Variants in SPA17 observed in about 807,000 individuals in gnomAD.
SPA17 encodes sperm autoantigenic protein 17.
In SPA17, 7 loss-of-function variants were observed where a neutral mutation model predicts 13.8. That is an observed-to-expected ratio of 0.51 (90% CI 0.29 to 0.95). The LOEUF (loss-of-function observed/expected upper bound fraction) is 0.95, where lower values mean the gene tolerates loss of function less well. Ranked by LOEUF, SPA17 falls within the 40% of genes least tolerant of loss-of-function variation. The pLI, the probability that SPA17 is intolerant of heterozygous loss-of-function variation, is 0.08. For synonymous variants in SPA17, 61 were observed against 59.0 expected, an observed-to-expected ratio of 1.03 and a Z score of -0.16; for missense variants, 170 against 179.3, an observed-to-expected ratio of 0.95 and a Z score of 0.30.
intron 4 of SPA17, 117 bp from the exon 5 acceptor site, chr11:124,694,186 G>A: frequency 7.6e-7 from 1 of 1,310,778 alleles, no homozygotes; most frequent in Non-Finnish European, 1.1e-6. Flanking sequence ...CCCTCAGGAA[G>A]CAACAGCTCT....
At position 124,697,288 on chromosome 11, in the gene SPA17, A is replaced by G. The variant is rs1032757260; in HGVS notation, c.*2842A>G. 1.3e-5 allele frequency: 2 copies of G among 152,278 alleles called. No homozygotes were observed. The highest frequency in any genetic ancestry group is 4.8e-5 in the African/African-American group (2 of 41,458). The allele number at this position is 152,278 out of a possible 1,614,324, so 9.4% of individuals were successfully genotyped here. On this transcript the variant is annotated 3_prime_UTR_variant, in exon 5 of 5. Coordinates refer to ENST00000227135, the MANE Select transcript of SPA17 (RefSeq NM_017425.4). ...TAATGTAGCTAAGCTAGGCTGGACT[A>G]CAATCTCAAGGTTAGGTTCAGGTCA...
chr11:124,694,266 T>G (rs765000309), intron 4 of SPA17, 37 bp from the exon 5 acceptor site: 1 of 1,594,568 alleles, frequency 6.3e-7, no homozygotes, highest in Non-Finnish European at 8.5e-7. Flanking sequence ...CTACGCCATA[T>G]TTAAAGAGTC....
intron 2 of SPA17, among the ~76,000 whole-genome samples, chr11:124,679,067 GC>G (rs906214853): frequency 6.6e-6 from 1 of 151,630 alleles, no homozygotes; most frequent in African/African-American, 2.4e-5. Flanking sequence ...AACCCAGGAG[GC>G]GGAAGTTGCA....
chr11:124,673,949 G>C lies in SPA17; in HGVS notation c.-31G>C. The C allele has an allele frequency of 1.7e-6, 1 of 574,636 alleles. No homozygotes were observed. The highest frequency in any genetic ancestry group is 3.1e-6 in the Non-Finnish European group (1 of 323,024). 35.6% of individuals were successfully genotyped at this position (574,636 alleles called of 1,614,324 possible). A position where few individuals can be genotyped will look rare whatever the true frequency, so the allele number is the denominator to read the frequency against. On this transcript the variant is annotated 5_prime_UTR_variant, in exon 1 of 5. Coordinates refer to ENST00000227135, the MANE Select transcript of SPA17 (RefSeq NM_017425.4). ...CCGGCGGCACCAGCTCGGAGAGAAAGGAGGTGAGGCCGCTTCCCCACTTCC... is the reference window on the plus strand; with the variant it reads ...CCGGCGGCACCAGCTCGGAGAGAAACGAGGTGAGGCCGCTTCCCCACTTCC...
At chr11:124,675,571 C>CCTG in intron 2 of SPA17, 153 bp downstream of exon 2, 3 of 708,290 alleles carry the variant, frequency 4.2e-6, no homozygotes, top group Non-Finnish European at 6.8e-6. Flanking sequence ...CAGTATGTAC[C>CCTG]TCTTTGATAT....
chr11:124,681,505 T>C, intron 3 of SPA17, 46 bp downstream of exon 3: 2 of 1,427,018 alleles, frequency 1.4e-6, no homozygotes, highest in South Asian at 3.3e-5. Flanking sequence ...CTTCTCTCTG[T>C]CTACAGCTAG....
rs889841955 is a variant in SPA17 at position 124,678,337 on chromosome 11, AT to A, written c.154+2929del. On this transcript the variant is annotated intron_variant, in intron 2 of 4. Transcript: ENST00000227135. ...GGAAAAGTGTGCTTAGTGTGCTACCATTTTTTTTTTAAACACAGACGGGGGT... is the reference window on the plus strand; with the variant it reads ...GGAAAAGTGTGCTTAGTGTGCTACCATTTTTTTTTAAACACAGACGGGGGT... 6.0e-5 allele frequency among the ~76,000 whole-genome samples: 9 copies of A among 149,622 alleles called. No homozygotes were observed. In the South Asian group the frequency reaches 6.4e-4, roughly 11 times the overall value.
rs890650623 is a variant in SPA17, at chr11:124,685,196, C to T, written c.225+3737C>T. Among the ~76,000 whole-genome samples, 7 of 152,248 alleles carry T rather than the reference C, an allele frequency of 4.6e-5. No individual in the cohort carries two copies. In the South Asian group the frequency reaches 6.2e-4, roughly 14 times the overall value. On this transcript the variant is annotated intron_variant, in intron 3 of 4. Transcript: ENST00000227135. ...TTTCCTCAGCTAGACCCAGGGCTCC[C>T]CTGCTGTATGCAGCCTCGGGACATG...
intron 2 of SPA17, among the ~76,000 whole-genome samples, chr11:124,677,025 T>C (rs1202174547): frequency 6.6e-6 from 1 of 152,240 alleles, no homozygotes; most frequent in African/African-American, 2.4e-5. Context: ...ATTTTAGAAC[T>C]CAGAAATATT....
At chr11:124,684,345 C>G (rs1469780931) in intron 3 of SPA17, among the ~76,000 whole-genome samples, 1 of 151,996 alleles carries the variant, frequency 6.6e-6, no homozygotes, top group East Asian at 1.9e-4. Context: ...CACTGCAACC[C>G]CTGCCTCCTG....
intron 3 of SPA17, 118 bp downstream of exon 3, chr11:124,681,577 T>A (rs930548076): frequency 1.9e-5 from 7 of 373,212 alleles, no homozygotes; most frequent in Non-Finnish European, 3.2e-5. Context: ...AAATAACTTA[T>A]TAAATCTTAT....
At chr11:124,692,829 T>G (rs1270804342) in intron 4 of SPA17, among the ~76,000 whole-genome samples, 1 of 152,186 alleles carries the variant, frequency 6.6e-6, no homozygotes, top group Admixed American at 6.5e-5. Context: ...CTCTCTAAAA[T>G]GTCGAAGTTC....
chr11:124,678,532 G>T (rs973746759), intron 2 of SPA17, among the ~76,000 whole-genome samples: 3 of 151,812 alleles, frequency 2.0e-5, no homozygotes, highest in Non-Finnish European at 4.4e-5. Context: ...GTGTGTGTGT[G>T]TGTGTGTGTG....
At chr11:124,679,540 T>C (rs1943505748) in intron 2 of SPA17, among the ~76,000 whole-genome samples, 1 of 152,206 alleles carries the variant, frequency 6.6e-6, no homozygotes, top group Non-Finnish European at 1.5e-5. Context: ...AAAATATCAG[T>C]GTGACCTCAT....
At chr11:124,691,951 A>AT (rs1370209597) in intron 4 of SPA17, among the ~76,000 whole-genome samples, 169 bp downstream of exon 4, 1 of 152,218 alleles carries the variant, frequency 6.6e-6, no homozygotes, top group Admixed American at 6.5e-5. Flanking sequence ...ATTTTCAGCC[A>AT]TGCCTCTCTT....
intron 2 of SPA17, among the ~76,000 whole-genome samples, chr11:124,677,543 A>C (rs1372859676): frequency 6.6e-6 from 1 of 152,200 alleles, no homozygotes; most frequent in South Asian, 2.1e-4. Flanking sequence ...ACTAGAAGAA[A>C]ATATGGATGA....
chr11:124,691,446 A>G (rs1015239926), intron 3 of SPA17, among the ~76,000 whole-genome samples: 7 of 152,210 alleles, frequency 4.6e-5, no homozygotes, highest in Admixed American at 3.3e-4. Flanking sequence ...CACACATTCC[A>G]AAAGCAACAG....
At chr11:124,690,099 A>G (rs1188396339) in intron 3 of SPA17, among the ~76,000 whole-genome samples, 3 of 152,230 alleles carry the variant, frequency 2.0e-5, no homozygotes, top group African/African-American at 7.2e-5. Context: ...CAGTCCAGCA[A>G]TCTCTCTACT....
rs1417120249 is a variant in SPA17 at position 124,694,856 on chromosome 11, CTATT to C, written c.*413_*416del. ...AATTTCACTGCTTTTTAAGGATAGT[CTATT>C]TAATTTTGGAATTTTTAGAAAGATA... On this transcript the variant is annotated 3_prime_UTR_variant, in exon 5 of 5. Transcript: ENST00000227135. The C allele has an allele frequency of 6.5e-6, 1 of 153,310 alleles. No homozygotes were observed. The highest frequency in any genetic ancestry group is 1.9e-4 in the East Asian group (1 of 5,236). The allele number at this position is 153,310 out of a possible 1,614,324, so 9.5% of individuals were successfully genotyped here.
Sources: allele counts gnomAD v4.1 joint callset (sites outside exome capture counted in the v4.1 genomes callset), GRCh38; gene constraint gnomAD v4.1.1; transcripts MANE v1.5; gene names NCBI Gene and HGNC (gene_info 2026-07-23, HGNC 2026-07-21).